SRGAP1: variants seen among roughly 807,000 people sequenced by gnomAD.
SRGAP1 encodes SLIT-ROBO Rho GTPase activating protein 1.
SRGAP1 carries 43 observed loss-of-function variants against 121.9 expected under a neutral mutation model. The observed-to-expected ratio is 0.35, with a 90% CI of 0.28 to 0.46. The LOEUF (loss-of-function observed/expected upper bound fraction) is 0.46. Among genes scored for constraint, SRGAP1 ranks in the 20% least tolerant of loss-of-function variants. The pLI is 1.00. For synonymous variants in SRGAP1, 447 were observed against 485.4 expected (o/e 0.92, Z 1.04); for missense variants, 1,102 against 1,350.9 (o/e 0.82, Z 2.89).
intron 12 of SRGAP1, chr12:64,091,843 GT>G (rs2036059070): frequency 6.8e-7 from 1 of 1,468,744 alleles, no homozygotes; most frequent in African/African-American, 1.4e-5. Flanking sequence ...CCTCTGCTGT[GT>G]TTACTCTTCG....
chr12:64,030,107 G>T (rs2034742033), intron 4 of SRGAP1, among the ~76,000 whole-genome samples: 1 of 152,110 alleles, frequency 6.6e-6, no homozygotes, highest in Admixed American at 6.5e-5. Context: ...GAAGTGGGCA[G>T]ATACTGTAGT....
Position 64,097,222 on chromosome 12 carries a change from G to GTTT in SRGAP1, c.1679-5_1679-3dup, listed in dbSNP as rs750731050. 526 of 1,457,062 alleles carry GTTT rather than the reference G, an allele frequency of 3.6e-4. No individual in the cohort carries two copies. The highest frequency in any genetic ancestry group is 1.0e-3 in the South Asian group (77 of 75,770). 90.3% of individuals were successfully genotyped at this position (1,457,062 alleles called of 1,614,324 possible). Reference sequence around the variant, plus strand: ...AAAAGAAGCACTGTTAATGTAATGAGTTTTTTTTTTTTTTTTAGGTGAAAA... The same window carrying GTTT: ...AAAAGAAGCACTGTTAATGTAATGAGTTTTTTTTTTTTTTTTTTTAGGTGAAAA... On this transcript the variant is annotated intron_variant, in intron 14 of 21. Transcript: ENST00000355086.
chr12:63,909,567 C>G (rs907357739), intron 1 of SRGAP1, among the ~76,000 whole-genome samples: 1 of 152,202 alleles, frequency 6.6e-6, no homozygotes, highest in Non-Finnish European at 1.5e-5. Flanking sequence ...TAGGCACACT[C>G]TCTGTGTTCC....
intron 21 of SRGAP1, among the ~76,000 whole-genome samples, 191 bp from the exon 22 acceptor site, chr12:64,142,102 TCA>T (rs923076759): frequency 7.9e-5 from 12 of 152,166 alleles, no homozygotes; most frequent in African/African-American, 2.9e-4. Context: ...CCATTATATC[TCA>T]GTTTCCTGAA....
intron 8 of SRGAP1, among the ~76,000 whole-genome samples, chr12:64,067,551 T>A (rs2035562349): frequency 6.6e-6 from 1 of 152,240 alleles, no homozygotes; most frequent in Admixed American, 6.5e-5. Flanking sequence ...GACTACTGGT[T>A]TATGATTTGT....
rs2219249 is a variant in SRGAP1, at chr12:63,993,534, G to A, written c.426+3462G>A. On this transcript the variant is annotated intron_variant, in intron 3 of 21. Coordinates refer to ENST00000355086, the MANE Select transcript of SRGAP1 (RefSeq NM_020762.4). The stretch of plus-strand genomic sequence containing the variant: ...TTGGGGAGAAGATTTTGAGACTTCC[G>A]CATGTTTCAATAATGTCCCCATGTC... 1.3e-4 allele frequency among the ~76,000 whole-genome samples: 20 copies of A among 152,186 alleles called. No homozygotes were observed. In the East Asian group the frequency reaches 2.9e-3, roughly 22 times the overall value.
At chr12:64,132,327 T>G (rs1363832006) in intron 21 of SRGAP1, among the ~76,000 whole-genome samples, 1 of 152,156 alleles carries the variant, frequency 6.6e-6, no homozygotes, top group Non-Finnish European at 1.5e-5. Flanking sequence ...TTGGATCTGA[T>G]GGGTCATATG....
At chr12:63,891,533 T>C (rs1288531111) in intron 1 of SRGAP1, among the ~76,000 whole-genome samples, 1 of 152,220 alleles carries the variant, frequency 6.6e-6, no homozygotes, top group Admixed American at 6.5e-5. Context: ...TAGGATCTGG[T>C]TGGGTCCGTA....
At chr12:64,123,618 T>C (rs1174794836) in intron 18 of SRGAP1, among the ~76,000 whole-genome samples, 2 of 151,744 alleles carry the variant, frequency 1.3e-5, no homozygotes, top group South Asian at 2.1e-4. Context: ...ACATATAATC[T>C]AAAAGTTTTA....
intron 4 of SRGAP1, among the ~76,000 whole-genome samples, chr12:64,041,582 G>A (rs1252294646): frequency 6.6e-6 from 1 of 151,602 alleles, no homozygotes; most frequent in Non-Finnish European, 1.5e-5. Flanking sequence ...CGGTCCCGCT[G>A]TGTTGCTCAG....
chr12:64,047,605 A>G (rs2035156154), intron 6 of SRGAP1, among the ~76,000 whole-genome samples: 1 of 152,172 alleles, frequency 6.6e-6, no homozygotes, highest in Non-Finnish European at 1.5e-5. Context: ...AAAGAGTCAG[A>G]GAATTAAAGT....
chr12:63,915,769 G>GAGGA (rs1413402799), intron 1 of SRGAP1, among the ~76,000 whole-genome samples: 1 of 152,094 alleles, frequency 6.6e-6, no homozygotes, highest in Non-Finnish European at 1.5e-5. Context: ...AAAGATAAAG[G>GAGGA]AAAACCAAAT....
intron 3 of SRGAP1, among the ~76,000 whole-genome samples, chr12:64,005,088 G>GA (rs1349973697): frequency 2.0e-4 from 30 of 151,720 alleles, no homozygotes; most frequent in South Asian, 1.2e-3. Flanking sequence ...AAACTCAGAA[G>GA]AAAAAAAATA....
chr12:64,134,383 T>C (rs2036828892), intron 21 of SRGAP1, among the ~76,000 whole-genome samples: 2 of 149,758 alleles, frequency 1.3e-5, no homozygotes, highest in Admixed American at 6.7e-5. Context: ...ATTGCGCCAC[T>C]GCACTCTAGC....
rs1262043237 is a variant in SRGAP1 at position 64,156,599 on chromosome 12, T to C, written c.*13927T>C. On this transcript the variant is annotated 3_prime_UTR_variant, in exon 22 of 22. Transcript: ENST00000355086. Reference sequence around the variant, plus strand: ...TGTTAGAGGCAAAGCTAAAAGGAAATGATAAAATAAATGAATATTTATAGA... The same window carrying C: ...TGTTAGAGGCAAAGCTAAAAGGAAACGATAAAATAAATGAATATTTATAGA... 6.6e-6 allele frequency: 1 copy of C among 152,144 alleles called. No individual in the cohort carries two copies. The highest frequency in any genetic ancestry group is 1.5e-5 in the Non-Finnish European group (1 of 68,030). The allele number at this position is 152,144 out of a possible 1,614,324, so 9.4% of individuals were successfully genotyped here. A position where few individuals can be genotyped will look rare whatever the true frequency, so the allele number is the denominator to read the frequency against.
At chr12:63,876,997 G>T (rs1015877319) in intron 1 of SRGAP1, among the ~76,000 whole-genome samples, 1 of 152,164 alleles carries the variant, frequency 6.6e-6, no homozygotes, top group African/African-American at 2.4e-5. Flanking sequence ...GCTGAGGCAG[G>T]CAGATCATCT....
At chr12:64,111,187 C>G (rs2036425261) in intron 16 of SRGAP1, among the ~76,000 whole-genome samples, 3 of 152,134 alleles carry the variant, frequency 2.0e-5, no homozygotes, top group Admixed American at 6.5e-5. Flanking sequence ...TTCCCCTTTT[C>G]TTGTATTTAT....
chr12:63,946,044 G>T (rs2032036051), intron 1 of SRGAP1, among the ~76,000 whole-genome samples: 1 of 150,908 alleles, frequency 6.6e-6, no homozygotes, highest in Non-Finnish European at 1.5e-5. Context: ...ATCTTTTCAG[G>T]ATCTTCAGCT....
At chr12:63,894,314 A>G (rs940766031) in intron 1 of SRGAP1, among the ~76,000 whole-genome samples, 3 of 152,166 alleles carry the variant, frequency 2.0e-5, no homozygotes, top group Non-Finnish European at 4.4e-5. Flanking sequence ...AATAGGTAAC[A>G]TTTGTGCTGC....
Sources: allele counts gnomAD v4.1 joint callset (sites outside exome capture counted in the v4.1 genomes callset), GRCh38; gene constraint gnomAD v4.1.1; transcripts MANE v1.5; gene names NCBI Gene and HGNC (gene_info 2026-07-23, HGNC 2026-07-21).